Variants in HDAC8 observed in about 807,000 individuals in gnomAD.
HDAC8 encodes histone deacetylase-like 1.
HDAC8 carries 1 observed loss-of-function variant against 32.2 expected under a neutral mutation model. That is an observed-to-expected ratio of 0.03 (90% CI 0.01 to 0.15). HDAC8 has a LOEUF of 0.15. Among genes scored for constraint, HDAC8 ranks in the 10% least tolerant of loss-of-function variants. HDAC8 has a pLI of 1.00. For missense variants in HDAC8, 117 were observed against 300.0 expected (o/e 0.39, Z 4.51); for synonymous variants, 108 against 113.9 (o/e 0.95, Z 0.33).
At chrX:72,355,452 T>C (rs1451045451) in intron 9 of HDAC8, among the ~76,000 whole-genome samples, 8 of 111,694 alleles carry the variant, frequency 7.2e-5, no homozygotes, top group Admixed American at 1.9e-4. Flanking sequence ...CTTCTTTTGC[T>C]TTCTGGGCTT....
chrX:72,367,039 T>C (rs1249109496), intron 9 of HDAC8, among the ~76,000 whole-genome samples: 1 of 112,406 alleles, frequency 8.9e-6, no homozygotes, highest in Non-Finnish European at 1.9e-5. Flanking sequence ...AGGTTGAACC[T>C]GATCCTGCTG....
chrX:72,462,094 G>C lies in HDAC8; in HGVS notation c.915C>G (p.Gly305=), dbSNP rs782121649. The stretch of plus-strand genomic sequence containing the variant: ...ATCGAGCCGTGTTGGCAAGGTTATA[G>C]CCTCCTGTCTCCATCAAGAATTGTG... The part of the protein sequence containing the change: ...QLATLILGGG[G]YNLANTARCW... The change falls in exon 9 of 11, where the codon GGC becomes GGG. Residue 305 remains glycine, a synonymous_variant. Coordinates refer to ENST00000373573, the MANE Select transcript of HDAC8 (RefSeq NM_018486.3). The C allele has an allele frequency of 1.8e-5, 21 of 1,195,530 alleles. No homozygotes were observed. In the Admixed American group the frequency reaches 4.6e-4, roughly 26 times the overall value.
At chrX:72,532,249 A>ATTTTTTTTTTTTTTTTT (rs34829256) in intron 4 of HDAC8, among the ~76,000 whole-genome samples, 2 of 54,193 alleles carry the variant, frequency 3.7e-5, no homozygotes, top group Non-Finnish European at 3.1e-5. Context: ...CGTGTTGGGC[A>ATTTTTTTTTTTTTTTTT]TTTTTTTTTT....
chrX:72,426,440 A>C (rs2046640873), intron 9 of HDAC8, among the ~76,000 whole-genome samples: 1 of 111,864 alleles, frequency 8.9e-6, no homozygotes, highest in East Asian at 2.8e-4. Context: ...GTAGAGGAGA[A>C]ACAAAATTTG....
At position 72,490,913 on chromosome X, in the gene HDAC8, G is replaced by T; in HGVS notation, c.628+16C>A. ...ATTTAGTCATCAAATGTAATACTGA[G>T]TTTATGATCACTTGCCTGGGAAAAA... On this transcript the variant is annotated intron_variant, in intron 6 of 10. Coordinates refer to ENST00000373573, the MANE Select transcript of HDAC8 (RefSeq NM_018486.3). 2 of 1,151,181 alleles carry T rather than the reference G, an allele frequency of 1.7e-6. No individual in the cohort carries two copies. Among genetic ancestry groups the T allele is most frequent in the Non-Finnish European group, 2.4e-6 (2 of 840,795 alleles). 94.9% of individuals were successfully genotyped at this position (1,151,181 alleles called of 1,213,427 possible). A position where few individuals can be genotyped will look rare whatever the true frequency, so the allele number is the denominator to read the frequency against.
chrX:72,513,619 C>T (rs961631902), intron 4 of HDAC8, among the ~76,000 whole-genome samples: 3 of 111,019 alleles, frequency 2.7e-5, no homozygotes, highest in Non-Finnish European at 5.7e-5. Context: ...TGAGCCACTG[C>T]GCCTGGCCAA....
intron 4 of HDAC8, among the ~76,000 whole-genome samples, chrX:72,523,031 T>G (rs781943612): frequency 8.9e-6 from 1 of 112,401 alleles, no homozygotes; most frequent in African/African-American, 3.2e-5. Flanking sequence ...TATTTTATGT[T>G]GCTTTTGCTA....
chrX:72,465,240 G>C (rs2047985946), intron 7 of HDAC8, among the ~76,000 whole-genome samples: 1 of 111,380 alleles, frequency 9.0e-6, no homozygotes, highest in Admixed American at 9.5e-5. Flanking sequence ...TTATGTAAAA[G>C]GACTAAAGGG....
chrX:72,379,397 G>T (rs1223616769), intron 9 of HDAC8, among the ~76,000 whole-genome samples: 1 of 107,932 alleles, frequency 9.3e-6, no homozygotes, highest in East Asian at 2.9e-4. Context: ...AAAATTGAAC[G>T]TTTAAAATTA....
chrX:72,399,274 C>T (rs2045844138), intron 9 of HDAC8, among the ~76,000 whole-genome samples: 1 of 111,846 alleles, frequency 8.9e-6, no homozygotes, highest in Non-Finnish European at 1.9e-5. Flanking sequence ...TGCTACCTGT[C>T]AGATATCAAA....
chrX:72,518,436 T>C (rs1377405510), intron 4 of HDAC8, among the ~76,000 whole-genome samples: 6 of 111,824 alleles, frequency 5.4e-5, no homozygotes, highest in African/African-American at 1.6e-4. Flanking sequence ...ATTAGTATAG[T>C]TCTGGGGAAC....
intron 9 of HDAC8, among the ~76,000 whole-genome samples, chrX:72,448,605 G>C (rs782747562): frequency 1.7e-4 from 19 of 112,294 alleles, no homozygotes; most frequent in Non-Finnish European, 3.6e-4. Context: ...AAACTAAAGA[G>C]CTTCTGCACA....
At chrX:72,476,889 C>A (rs1307413164) in intron 7 of HDAC8, among the ~76,000 whole-genome samples, 1 of 111,471 alleles carries the variant, frequency 9.0e-6, no homozygotes, top group African/African-American at 3.3e-5. Context: ...GAATAGTATT[C>A]TAATGGTCCC....
At chrX:72,422,213 T>A (rs1484973065) in intron 9 of HDAC8, among the ~76,000 whole-genome samples, 1 of 111,430 alleles carries the variant, frequency 9.0e-6, no homozygotes, top group Non-Finnish European at 1.9e-5. Context: ...TTCATCAAAT[T>A]TGGGAAGTTT....
chrX:72,546,135 C>A (rs2050856205), intron 4 of HDAC8, among the ~76,000 whole-genome samples: 1 of 111,267 alleles, frequency 9.0e-6, no homozygotes, highest in Non-Finnish European at 1.9e-5. Flanking sequence ...TAACTAAGAG[C>A]TGGAGGTCTA....
At chrX:72,440,106 G>T (rs782424923) in intron 9 of HDAC8, among the ~76,000 whole-genome samples, 33 of 111,898 alleles carry the variant, frequency 2.9e-4, no homozygotes, top group African/African-American at 1.0e-3. Context: ...CAAAAGAACG[G>T]AAATCATAAC....
chrX:72,496,863 A>G (rs1352156634), intron 4 of HDAC8, among the ~76,000 whole-genome samples: 5 of 111,571 alleles, frequency 4.5e-5, no homozygotes, highest in African/African-American at 1.6e-4. Flanking sequence ...TACAGAGAAA[A>G]GCTATAGACA....
At chrX:72,547,251 A>G (rs781791754) in intron 4 of HDAC8, among the ~76,000 whole-genome samples, 1 of 110,695 alleles carries the variant, frequency 9.0e-6, no homozygotes, top group African/African-American at 3.3e-5. Flanking sequence ...TAAACTGTTG[A>G]GAACTCTTTT....
intron 9 of HDAC8, among the ~76,000 whole-genome samples, chrX:72,409,464 G>C (rs1339417898): frequency 8.9e-6 from 1 of 111,838 alleles, no homozygotes; most frequent in East Asian, 2.8e-4. Context: ...TCTCCCTCCA[G>C]CCTCGTTTTT....
Sources: allele counts gnomAD v4.1 joint callset (sites outside exome capture counted in the v4.1 genomes callset), GRCh38; gene constraint gnomAD v4.1.1; transcripts MANE v1.5; gene names NCBI Gene and HGNC (gene_info 2026-07-23, HGNC 2026-07-21).